The following UNC79 variants were observed in gnomAD, a reference collection of about 807,000 sequenced individuals.
The protein encoded by UNC79 is protein unc-79 homolog.
Under a neutral mutation model 283.1 loss-of-function variants are expected in UNC79, and 37 were observed. That is an observed-to-expected ratio of 0.13 (90% confidence interval 0.10 to 0.17). The LOEUF (loss-of-function observed/expected upper bound fraction) is 0.17. Ranked by LOEUF, UNC79 falls within the 10% of genes least tolerant of loss-of-function variation. The pLI is 1.00. For synonymous variants in UNC79, 1,107 were observed against 1,200.2 expected (o/e 0.92, Z 1.61); for missense variants, 2,272 against 3,211.1 (o/e 0.71, Z 7.07).
intron 20 of UNC79, 137 bp from the exon 21 acceptor site, chr14:93,586,459 A>G (rs2064230923): frequency 1.5e-6 from 1 of 658,742 alleles, no homozygotes; most frequent in African/African-American, 1.8e-5. Flanking sequence ...TGTGGAGAGC[A>G]GATAAAAAGT....
chr14:93,644,013 T>C (rs1026686941), intron 34 of UNC79, among the ~76,000 whole-genome samples: 15 of 152,232 alleles, frequency 9.9e-5, no homozygotes, highest in African/African-American at 3.4e-4. Flanking sequence ...CAGTTGATAG[T>C]AAACACTTCG....
At chr14:93,475,211 T>C (rs141107751) in intron 3 of UNC79, among the ~76,000 whole-genome samples, 5 of 152,314 alleles carry the variant, frequency 3.3e-5, no homozygotes, top group African/African-American at 1.2e-4. Flanking sequence ...CTGCAGGTAA[T>C]GCACTTTAAA....
rs1202832473 is a variant in UNC79, at chr14:93,655,423, G to T, written c.6456+16G>T. ...ACCTCTGAAGGTAAGCTGAGCCGAAGGTTTCATTTTCAATTAATTTCTTAC... is the reference window on the plus strand; with the variant it reads ...ACCTCTGAAGGTAAGCTGAGCCGAATGTTTCATTTTCAATTAATTTCTTAC... On this transcript the variant is annotated intron_variant, in intron 38 of 48. Transcript: ENST00000555664. 1.2e-5 allele frequency: 19 copies of T among 1,608,234 alleles called. No individual in the cohort carries two copies. Among genetic ancestry groups the T allele is most frequent in the Non-Finnish European group, 1.5e-5 (18 of 1,176,738 alleles).
intron 1 of UNC79, among the ~76,000 whole-genome samples, chr14:93,381,892 C>T (rs1162509772): frequency 6.6e-6 from 1 of 152,160 alleles, no homozygotes; most frequent in African/African-American, 2.4e-5. Context: ...TGACTCTTAT[C>T]AGCCTGGCCC....
intron 40 of UNC79, among the ~76,000 whole-genome samples, chr14:93,664,576 C>G (rs2071960561): frequency 6.6e-6 from 1 of 152,092 alleles, no homozygotes; most frequent in Non-Finnish European, 1.5e-5. Context: ...AGCCTATTCA[C>G]TTGGTAAAAG....
At chr14:93,705,022 G>A (rs2075778417) in intron 48 of UNC79, among the ~76,000 whole-genome samples, 1 of 152,068 alleles carries the variant, frequency 6.6e-6, no homozygotes, top group Non-Finnish European at 1.5e-5. Flanking sequence ...TTTGCTTGAG[G>A]CCAGAAGTTG....
exon 22 of UNC79, chr14:93,586,860 A>G (rs771265590): frequency 6.2e-7 from 1 of 1,614,026 alleles, no homozygotes; most frequent in Non-Finnish European, 8.5e-7. Flanking sequence ...GCCAGAAAAG[A>G]TCACCCTCAA....
chr14:93,686,960 C>T (rs1029902271), intron 43 of UNC79, among the ~76,000 whole-genome samples: 61 of 152,174 alleles, frequency 4.0e-4, no homozygotes, highest in Non-Finnish European at 7.3e-5. Context: ...GAAACTGAGG[C>T]TTGGGGTGGT....
At chr14:93,367,353 CATGTGTCGTGGTAAAAGTGG>C (rs1352482606) in intron 1 of UNC79, among the ~76,000 whole-genome samples, 1 of 152,092 alleles carries the variant, frequency 6.6e-6, no homozygotes, top group African/African-American at 2.4e-5. Context: ...GATGGTAGAA[CATGTGTCGTGGTAAAAGTGG>C]ATGGTAGCCA....
chr14:93,467,028 T>C (rs2057217469), intron 1 of UNC79: 2 of 534,016 alleles, frequency 3.7e-6, no homozygotes, highest in Non-Finnish European at 4.8e-6. Context: ...AAATGTGACA[T>C]TTATTTTTTA....
intron 1 of UNC79, among the ~76,000 whole-genome samples, chr14:93,356,230 C>T (rs1341585429): frequency 6.6e-6 from 1 of 152,122 alleles, no homozygotes; most frequent in Non-Finnish European, 1.5e-5. Context: ...GTTTCGTTGG[C>T]CAGGCTGGTC....
At chr14:93,633,796 A>G (rs1459386010) in intron 31 of UNC79, among the ~76,000 whole-genome samples, 1 of 152,218 alleles carries the variant, frequency 6.6e-6, no homozygotes, top group Non-Finnish European at 1.5e-5. Flanking sequence ...ATATGTTTCA[A>G]TGCTTAACTT....
chr14:93,399,859 A>G (rs1256904649), intron 1 of UNC79, among the ~76,000 whole-genome samples: 1 of 152,186 alleles, frequency 6.6e-6, no homozygotes, highest in Non-Finnish European at 1.5e-5. Flanking sequence ...TATAGAAAAC[A>G]GGATATTCAT....
At chr14:93,375,249 G>A (rs1253164773) in intron 1 of UNC79, among the ~76,000 whole-genome samples, 16 of 152,188 alleles carry the variant, frequency 1.1e-4, no homozygotes. Flanking sequence ...GGGTCATGGT[G>A]GTGGTGCCTG....
In UNC79 at chr14:93,688,852, A is replaced by G. The variant is rs2074455476; in HGVS notation, c.7085+12A>G. ...GCAATGCAGCAAGGGTAAGACCCTTACTATTCCGGGAATGAGGGTAAAGAA... is the reference window on the plus strand; with the variant it reads ...GCAATGCAGCAAGGGTAAGACCCTTGCTATTCCGGGAATGAGGGTAAAGAA... On this transcript the variant is annotated intron_variant, in intron 44 of 48. Coordinates refer to ENST00000555664, the Ensembl canonical transcript of UNC79. This position sits in a 1 kb window ranked among gnomAD's most constrained non-coding sequence, Gnocchi z 4.0. 1 of 1,609,710 alleles carries G rather than the reference A, an allele frequency of 6.2e-7. No homozygotes were observed. The highest frequency in any genetic ancestry group is 1.1e-5 in the South Asian group (1 of 90,484).
chr14:93,627,593 C>G (rs2067669147), intron 30 of UNC79, among the ~76,000 whole-genome samples: 1 of 152,226 alleles, frequency 6.6e-6, no homozygotes, highest in Non-Finnish European at 1.5e-5. Context: ...TGCACAGGCA[C>G]TTTCCAAGCC....
intron 1 of UNC79, among the ~76,000 whole-genome samples, chr14:93,377,277 G>C (rs1043976186): frequency 6.6e-6 from 1 of 151,992 alleles, no homozygotes. Flanking sequence ...TGCATTTTTA[G>C]TAGAGATGGG....
intron 27 of UNC79, among the ~76,000 whole-genome samples, chr14:93,615,720 C>CAAAAAAAAAAAAAAAAAA (rs1158073507): frequency 8.6e-5 from 2 of 23,292 alleles, no homozygotes; most frequent in African/African-American, 2.0e-4. Context: ...GACTCCATCT[C>CAAAAAAAAAAAAAAAAAA]AAAAAAAAAA....
intron 1 of UNC79, among the ~76,000 whole-genome samples, chr14:93,409,869 T>G (rs1395238232): frequency 1.3e-5 from 2 of 152,226 alleles, no homozygotes; most frequent in Non-Finnish European, 1.5e-5. Context: ...ATAAATTGAT[T>G]CTAAAATTTA....
Sources: gnomAD v4.1 joint callset for allele counts (sites outside exome capture counted in the v4.1 genomes callset) on GRCh38, gnomAD v4.1.1 for gene constraint, Gnocchi (gnomAD v3.1) non-coding constraint, MANE v1.5 for transcripts, NCBI Gene and HGNC (gene_info 2026-07-23, HGNC 2026-07-21) for gene names.